The following TRIM6 variants were observed in gnomAD, a reference collection of about 807,000 sequenced individuals.
TRIM6 encodes tripartite motif-containing protein 6.
In TRIM6, 43 loss-of-function variants were observed where a neutral mutation model predicts 51.2. The ratio of observed to expected loss-of-function variants is 0.84; its 90% CI spans 0.66 to 1.08. The LOEUF is 1.08. TRIM6 is among the 50% of genes least tolerant of loss of function. The pLI, the probability that TRIM6 is intolerant of heterozygous loss-of-function variation, is 0.00. For missense variants in TRIM6, 669 were observed against 619.0 expected, an observed-to-expected ratio of 1.08 and a Z score of -0.86; for synonymous variants, 215 against 232.4, an observed-to-expected ratio of 0.93 and a Z score of 0.68.
At chr11:5,602,076 T>C (rs916702622) in intron 1 of TRIM6, among the ~76,000 whole-genome samples, 3 of 152,262 alleles carry the variant, frequency 2.0e-5, no homozygotes, top group Non-Finnish European at 4.4e-5. Flanking sequence ...GAACAAAAAG[T>C]CTCAGATCTC....
At chr11:5,599,443 G>C (rs375926866) in intron 1 of TRIM6, among the ~76,000 whole-genome samples, 4 of 150,494 alleles carry the variant, frequency 2.7e-5, no homozygotes, top group Admixed American at 6.6e-5. Flanking sequence ...TCGCTCTGTC[G>C]CCCAGGCTGG....
intron 1 of TRIM6, among the ~76,000 whole-genome samples, chr11:5,598,617 T>G (rs1204504679): frequency 6.6e-6 from 1 of 152,216 alleles, no homozygotes; most frequent in Non-Finnish European, 1.5e-5. Flanking sequence ...ATCCTTTAAC[T>G]TTTTTAAACT....
chr11:5,609,495 A>G (rs1848435037), intron 5 of TRIM6, among the ~76,000 whole-genome samples: 1 of 152,208 alleles, frequency 6.6e-6, no homozygotes, highest in Admixed American at 6.5e-5. Flanking sequence ...AATATTTTAT[A>G]TCTTTTTTTA....
At chr11:5,605,612 GAAAC>G in intron 4 of TRIM6, 45 bp downstream of exon 4, 1 of 1,561,444 alleles carries the variant, frequency 6.4e-7, no homozygotes, top group South Asian at 1.2e-5. Context: ...AAGGAAAAGA[GAAAC>G]TAACTTTCCT....
intron 1 of TRIM6, among the ~76,000 whole-genome samples, chr11:5,601,740 A>T (rs1847867705): frequency 6.6e-6 from 1 of 152,200 alleles, no homozygotes; most frequent in African/African-American, 2.4e-5. Flanking sequence ...CCTGGGCGAT[A>T]GAGCAAGACT....
chr11:5,604,382 T>C (rs958168730), intron 2 of TRIM6, 152 bp from the exon 3 acceptor site: 2 of 754,976 alleles, frequency 2.6e-6, no homozygotes, highest in Admixed American at 2.9e-5. Context: ...CATGTATATA[T>C]ATAAAAGATT....
At chr11:5,606,713 CTG>C (rs1848232644) in intron 4 of TRIM6, among the ~76,000 whole-genome samples, 1 of 152,152 alleles carries the variant, frequency 6.6e-6, no homozygotes, top group Non-Finnish European at 1.5e-5. Context: ...AGTCCTCAAA[CTG>C]TAAATATTTT....
chr11:5,604,680 C>T, intron 3 of TRIM6, 51 bp downstream of exon 3: 1 of 1,581,614 alleles, frequency 6.3e-7, no homozygotes, highest in Non-Finnish European at 8.6e-7. Context: ...CATGGCAGGT[C>T]ATAGGAGCTG....
rs1244995597 is a variant in TRIM6, at chr11:5,612,122, G to A, written c.*780G>A. The A allele has an allele frequency of 6.6e-6, 1 of 152,024 alleles. No homozygotes were observed. The highest frequency in any genetic ancestry group is 1.5e-5 in the Non-Finnish European group (1 of 68,010). 9.4% of individuals were successfully genotyped at this position (152,024 alleles called of 1,614,324 possible). A position where few individuals can be genotyped will look rare whatever the true frequency, so the allele number is the denominator to read the frequency against. On this transcript the variant is annotated 3_prime_UTR_variant, in exon 8 of 8. Coordinates refer to ENST00000380097, the MANE Select transcript of TRIM6 (RefSeq NM_001003818.3). ...ATTATTATTTGTTGTATGCAATACT[G>A]GATTTATTTTGATAACGTATTGTTT...
intron 3 of TRIM6, 118 bp downstream of exon 3, chr11:5,604,747 C>A: frequency 9.2e-7 from 1 of 1,088,848 alleles, no homozygotes; most frequent in East Asian, 2.6e-5. Context: ...GAAGAGCTTC[C>A]CTTTGCCTGG....
At chr11:5,609,918 T>A (rs1457792638) in intron 5 of TRIM6, among the ~76,000 whole-genome samples, 1 of 150,904 alleles carries the variant, frequency 6.6e-6, no homozygotes, top group Non-Finnish European at 1.5e-5. Flanking sequence ...GCGAGACTCC[T>A]TCTCAAAAAA....
At chr11:5,607,152 C>T (rs549492406) in intron 4 of TRIM6, among the ~76,000 whole-genome samples, 17 of 151,906 alleles carry the variant, frequency 1.1e-4, no homozygotes, top group Admixed American at 3.3e-4. Context: ...TGCAGTGAGC[C>T]GAGATCGCAC....
At chr11:5,596,236 G>A (rs1016991558), upstream of TRIM6, 1 of 152,544 alleles carries the variant, frequency 6.6e-6, no homozygotes, top group Non-Finnish European at 1.5e-5. Context: ...CTTGTCTGGA[G>A]AGTTTGACCC....
At chr11:5,596,614 C>G (rs1394207107), upstream of TRIM6, 4 of 284,418 alleles carry the variant, frequency 1.4e-5, no homozygotes, top group South Asian at 1.1e-4. Context: ...TTATCCCCCA[C>G]CCCAGGCGGC....
chr11:5,598,526 AT>A (rs558609159), intron 1 of TRIM6, among the ~76,000 whole-genome samples: 5 of 152,360 alleles, frequency 3.3e-5, no homozygotes, highest in African/African-American at 7.2e-5. Flanking sequence ...AGCGGGTGAA[AT>A]TAATTTTAAT....
intron 2 of TRIM6, among the ~76,000 whole-genome samples, chr11:5,604,125 G>A (rs1270857137): frequency 1.3e-5 from 2 of 152,120 alleles, no homozygotes; most frequent in East Asian, 3.9e-4. Context: ...CTCCCAAGTA[G>A]CTAGGACTGT....
At chr11:5,604,672 T>G in intron 3 of TRIM6, 43 bp downstream of exon 3, 1 of 1,595,372 alleles carries the variant, frequency 6.3e-7, no homozygotes, top group South Asian at 1.2e-5. Flanking sequence ...GCAGGAATCA[T>G]GGCAGGTCAT....
intron 1 of TRIM6, among the ~76,000 whole-genome samples, chr11:5,600,056 G>T (rs1197884886): frequency 6.6e-6 from 1 of 152,216 alleles, no homozygotes; most frequent in Admixed American, 6.5e-5. Context: ...CAGACTCTCA[G>T]ATGATAGGTA....
chr11:5,608,847 ATTTTTT>A lies in TRIM6; in HGVS notation c.857+469_857+474del, dbSNP rs370630648. ...ACACAGGAATTTTCTTTGCCCATAAATTTTTTTTTTTTTTTTTTTTTGAGACAGAGT... is the reference window on the plus strand; with the variant it reads ...ACACAGGAATTTTCTTTGCCCATAAATTTTTTTTTTTTTTTGAGACAGAGT... On this transcript the variant is annotated intron_variant, in intron 5 of 7. Coordinates refer to ENST00000380097, the MANE Select transcript of TRIM6 (RefSeq NM_001003818.3). 6.7e-4 allele frequency among the ~76,000 whole-genome samples: 68 copies of A among 101,894 alleles called. 1 individual carries two copies. Among genetic ancestry groups the A allele is most frequent in the Middle Eastern group, 8.2e-3 (1 of 122 alleles). The allele number at this position is 101,894 out of a possible 152,430, so 66.8% of individuals were successfully genotyped here. A position where few individuals can be genotyped will look rare whatever the true frequency, so the allele number is the denominator to read the frequency against.
Sources: gnomAD v4.1 joint callset for allele counts (sites outside exome capture counted in the v4.1 genomes callset) on GRCh38, gnomAD v4.1.1 for gene constraint, MANE v1.5 for transcripts, NCBI Gene and HGNC (gene_info 2026-07-23, HGNC 2026-07-21) for gene names.